PUDP: variants seen among roughly 807,000 people sequenced by gnomAD.
PUDP encodes pseudouridine 5'-phosphatase, also known as pseudouridine-5'-phosphatase.
PUDP carries 8 observed loss-of-function variants against 9.4 expected under a neutral mutation model. That is an observed-to-expected ratio of 0.85 (90% CI 0.50 to 1.53). The LOEUF (loss-of-function observed/expected upper bound fraction) is 1.53, where lower values mean the gene tolerates loss of function less well. Ranked by LOEUF, PUDP falls within the 40% of genes most tolerant of loss-of-function variation. The pLI, the probability that PUDP is intolerant of heterozygous loss-of-function variation, is 0.00. For synonymous variants in PUDP, 99 were observed against 80.7 expected (o/e 1.23, Z -1.22); for missense variants, 188 against 189.7 (o/e 0.99, Z 0.05).
chrX:6,881,521 T>C (rs753278525), intron 3 of PUDP, among the ~76,000 whole-genome samples: 2 of 111,793 alleles, frequency 1.8e-5, no homozygotes, highest in Non-Finnish European at 3.8e-5. Flanking sequence ...TCATGAATAG[T>C]AAATAGTAAT....
intron 1 of PUDP, among the ~76,000 whole-genome samples, chrX:7,006,220 A>G (rs1409078392): frequency 1.8e-5 from 2 of 111,986 alleles, no homozygotes; most frequent in Non-Finnish European, 3.8e-5. Context: ...CAAGTCATAC[A>G]GTACCTCTAG....
chrX:6,937,023 G>A, intron 3 of PUDP, among the ~76,000 whole-genome samples: 1 of 105,063 alleles, frequency 9.5e-6, no homozygotes, highest in Middle Eastern at 4.7e-3. Flanking sequence ...TCATGAGTAG[G>A]AAGAATCAAT....
intron 3 of PUDP, among the ~76,000 whole-genome samples, chrX:6,973,468 C>CAGTA (rs1272469249): frequency 8.9e-6 from 1 of 111,769 alleles, no homozygotes; most frequent in Non-Finnish European, 1.9e-5. Context: ...ATTATTTACC[C>CAGTA]AGTAGTCATT....
At chrX:6,798,353 A>G (rs2070495206) in intron 3 of PUDP, among the ~76,000 whole-genome samples, 1 of 111,873 alleles carries the variant, frequency 8.9e-6, no homozygotes, top group African/African-American at 3.3e-5. Context: ...ACCTGGCCGC[A>G]CCCTTGACAC....
intron 3 of PUDP, among the ~76,000 whole-genome samples, chrX:6,916,408 C>T (rs926162537): frequency 2.7e-4 from 20 of 72,766 alleles, no homozygotes; most frequent in Non-Finnish European, 5.0e-4. Flanking sequence ...TCTTGCATCC[C>T]CAGTTTTTTT....
chrX:7,024,983 T>C lies in PUDP; in HGVS notation c.205-46640A>G, dbSNP rs186658522. Among the ~76,000 whole-genome samples, 27 of 110,623 alleles carry C rather than the reference T, an allele frequency of 2.4e-4. No homozygotes were observed. The East Asian group carries it at 6.8e-3, about 28-fold the overall frequency. ...CCAGGACCCACATGGCTGCAATGTATTCTTTTACTAGCAGAGTAGCACCTG... is the reference window on the plus strand; with the variant it reads ...CCAGGACCCACATGGCTGCAATGTACTCTTTTACTAGCAGAGTAGCACCTG... On this transcript the variant is annotated intron_variant and NMD_transcript_variant, in intron 1 of 3. Transcript: ENST00000655425.
chrX:6,809,682 C>T (rs913535632), intron 3 of PUDP, among the ~76,000 whole-genome samples: 18 of 111,162 alleles, frequency 1.6e-4, no homozygotes, highest in African/African-American at 5.9e-4. Flanking sequence ...CTACCACAGT[C>T]ATAATTTGAA....
chrX:6,714,724 A>G (rs1041332313), intron 1 of PUDP, among the ~76,000 whole-genome samples: 5 of 111,508 alleles, frequency 4.5e-5, no homozygotes, highest in African/African-American at 1.6e-4. Context: ...TGATAGATAG[A>G]TAGATATAGG....
intron 3 of PUDP, among the ~76,000 whole-genome samples, chrX:6,954,982 C>A (rs867775247): frequency 9.3e-5 from 2 of 21,428 alleles, no homozygotes; most frequent in African/African-American, 1.6e-4. Context: ...GACCCTGCCC[C>A]CCTACATTCC....
In PUDP at chrX:7,050,133, C is replaced by A; in HGVS notation, c.*163G>T. The A allele has an allele frequency of 2.2e-6, 1 of 452,261 alleles. No homozygotes were observed. The highest frequency in any genetic ancestry group is 3.6e-6 in the Non-Finnish European group (1 of 274,989). The allele number at this position is 452,261 out of a possible 1,213,427, so 37.3% of individuals were successfully genotyped here. ...CAACCGTCAAGTCACATTTTATCAA[C>A]ACGTTAGACTGGGACAAACCAACAT... On this transcript the variant is annotated 3_prime_UTR_variant, in exon 4 of 4. Coordinates refer to ENST00000381077, the MANE Select transcript of PUDP (RefSeq NM_012080.5).
chrX:6,731,063 TTTTTATTTTA>T (rs71951231), intron 3 of PUDP, among the ~76,000 whole-genome samples: 1 of 108,854 alleles, frequency 9.2e-6, no homozygotes, highest in Non-Finnish European at 1.9e-5. Flanking sequence ...AGTCTTTTTA[TTTTTATTTTA>T]TTTTATTTTT....
At chrX:7,036,702 GTC>G (rs1474759915) in intron 1 of PUDP, among the ~76,000 whole-genome samples, 2 of 110,510 alleles carry the variant, frequency 1.8e-5, no homozygotes, top group African/African-American at 6.6e-5. Context: ...CTCTTTTTGT[GTC>G]TCTCTCTCTG....
At position 7,102,394 on chromosome X, in the gene PUDP, G is replaced by A. The variant is rs201332825; in HGVS notation, c.280+3226C>T. 1.3e-4 allele frequency among the ~76,000 whole-genome samples: 14 copies of A among 105,054 alleles called. No homozygotes were observed. In the East Asian group the frequency reaches 2.7e-3, roughly 20 times the overall value. 91.2% of individuals were successfully genotyped at this position (105,054 alleles called of 115,157 possible). A position where few individuals can be genotyped will look rare whatever the true frequency, so the allele number is the denominator to read the frequency against. On this transcript the variant is annotated intron_variant, in intron 2 of 3. Transcript: ENST00000381077. Reference sequence around the variant, plus strand: ...TTGAAAAGCTCCAACACCCTTTCACGATTAAAAACAGTCAAATTAAGGATA... The same window carrying A: ...TTGAAAAGCTCCAACACCCTTTCACAATTAAAAACAGTCAAATTAAGGATA...
At chrX:7,093,269 G>C (rs1027520492) in intron 2 of PUDP, among the ~76,000 whole-genome samples, 7 of 111,525 alleles carry the variant, frequency 6.3e-5, no homozygotes, top group African/African-American at 2.3e-4. Context: ...TGGAGGCAGG[G>C]AACCGAAAGC....
At chrX:7,036,006 C>T (rs1376861502) in intron 1 of PUDP, among the ~76,000 whole-genome samples, 1 of 111,867 alleles carries the variant, frequency 8.9e-6, no homozygotes, top group African/African-American at 3.3e-5. Flanking sequence ...CTTGCTTCCT[C>T]GCTCATGTAA....
At chrX:7,089,883 G>T (rs984094269) in intron 2 of PUDP, among the ~76,000 whole-genome samples, 2 of 111,779 alleles carry the variant, frequency 1.8e-5, no homozygotes, top group Non-Finnish European at 3.8e-5. Context: ...AAGAAAAGAG[G>T]GGGTAACATC....
At chrX:6,820,116 C>T (rs761180910) in intron 3 of PUDP, among the ~76,000 whole-genome samples, 52 of 108,642 alleles carry the variant, frequency 4.8e-4, no homozygotes, top group African/African-American at 1.7e-3. Flanking sequence ...TGCATGGTGG[C>T]GGCAAGAGAA....
chrX:6,726,372 T>A (rs975657779), upstream of PUDP, among the ~76,000 whole-genome samples: 1 of 111,265 alleles, frequency 9.0e-6, no homozygotes, highest in Non-Finnish European at 1.9e-5. Flanking sequence ...CATTGTAGGG[T>A]GAACCATGAT....
chrX:7,081,512 T>G (rs370255700), intron 2 of PUDP, among the ~76,000 whole-genome samples: 21 of 112,580 alleles, frequency 1.9e-4, no homozygotes, highest in African/African-American at 6.8e-4. Context: ...ATTTCTAAGG[T>G]GGAGTAGATA....
Sources: allele counts gnomAD v4.1 joint callset (sites outside exome capture counted in the v4.1 genomes callset), GRCh38; gene constraint gnomAD v4.1.1; transcripts MANE v1.5; gene names NCBI Gene and HGNC (gene_info 2026-07-23, HGNC 2026-07-21).